DNAH5: variants seen among roughly 807,000 people sequenced by gnomAD.
DNAH5 encodes the protein dynein axonemal heavy chain 5.
In DNAH5, 372 loss-of-function variants were observed where a neutral mutation model predicts 518.2. That is an observed-to-expected ratio of 0.72 (90% CI 0.66 to 0.78). The LOEUF (loss-of-function observed/expected upper bound fraction) is 0.78, where lower values mean the gene tolerates loss of function less well. Ranked by LOEUF, DNAH5 falls within the 30% of genes least tolerant of loss-of-function variation. DNAH5 has a pLI of 0.00. For missense variants in DNAH5, 5,523 were observed against 5,687.0 expected, an observed-to-expected ratio of 0.97 and a Z score of 0.93; for synonymous variants, 2,039 against 2,025.9, an observed-to-expected ratio of 1.01 and a Z score of -0.17.
chr5:13,847,425 TA>T (rs56782034), intron 31 of DNAH5, among the ~76,000 whole-genome samples: 2 of 148,960 alleles, frequency 1.3e-5, no homozygotes, highest in Non-Finnish European at 3.0e-5. Context: ...AAAGAAAGAA[TA>T]AAAAAAAAGA....
At chr5:13,924,707 T>G (rs1777673895) in intron 3 of DNAH5, among the ~76,000 whole-genome samples, 1 of 151,892 alleles carries the variant, frequency 6.6e-6, no homozygotes, top group East Asian at 1.9e-4. Context: ...ATACTAGAAC[T>G]TAGCATCTGA....
chr5:13,852,890 T>G (rs1405150166), intron 30 of DNAH5, among the ~76,000 whole-genome samples: 1 of 152,116 alleles, frequency 6.6e-6, no homozygotes, highest in Non-Finnish European at 1.5e-5. Context: ...TAGATAAAAC[T>G]CTCATCTCCC....
intron 1 of DNAH5, among the ~76,000 whole-genome samples, chr5:14,009,902 A>G (rs2152091279): frequency 6.6e-6 from 1 of 152,340 alleles, no homozygotes; most frequent in African/African-American, 2.4e-5. Flanking sequence ...TGAGGTCACT[A>G]TTCTTCATAA....
At chr5:14,006,845 AC>A (rs1164050620) in intron 1 of DNAH5, among the ~76,000 whole-genome samples, 1 of 152,052 alleles carries the variant, frequency 6.6e-6, no homozygotes, top group African/African-American at 2.4e-5. Flanking sequence ...ATTGATGATC[AC>A]CCAGGCCCTA....
intron 31 of DNAH5, among the ~76,000 whole-genome samples, chr5:13,845,763 T>A (rs77861982): frequency 3.6e-5 from 2 of 55,072 alleles, no homozygotes; most frequent in South Asian, 4.8e-4. Context: ...AGCTTTTTAA[T>A]TTTTATTTTT....
At chr5:13,836,766 C>T (rs1308283480) in intron 35 of DNAH5, among the ~76,000 whole-genome samples, 1 of 152,172 alleles carries the variant, frequency 6.6e-6, no homozygotes, top group Non-Finnish European at 1.5e-5. Flanking sequence ...ATGTTAAGGA[C>T]CTTGAGAAGA....
At chr5:13,698,488 T>A (rs1330934842) in intron 78 of DNAH5, among the ~76,000 whole-genome samples, 4 of 152,236 alleles carry the variant, frequency 2.6e-5, no homozygotes. Flanking sequence ...AAGCAGTCAA[T>A]ACATAATCTT....
At chr5:13,735,703 G>T in intron 67 of DNAH5, 115 bp downstream of exon 67, 2 of 905,656 alleles carry the variant, frequency 2.2e-6, no homozygotes, top group Non-Finnish European at 3.7e-6. Flanking sequence ...ACTGATCTGA[G>T]ATTTAAAAAA....
At chr5:13,959,786 G>T (rs1487919028) in intron 1 of DNAH5, among the ~76,000 whole-genome samples, 1 of 152,070 alleles carries the variant, frequency 6.6e-6, no homozygotes, top group Non-Finnish European at 1.5e-5. Context: ...TGACCAACAT[G>T]GTGAAACCCC....
In DNAH5 at chr5:13,769,633, A is replaced by G. The variant is rs374561149; in HGVS notation, c.9606-18T>C. 95 of 1,598,300 alleles carry G rather than the reference A, an allele frequency of 5.9e-5. 1 individual carries two copies. In the African/African-American group the frequency reaches 1.1e-3, roughly 18 times the overall value. On this transcript the variant is annotated intron_variant, in intron 56 of 78. Transcript: ENST00000265104. Reference sequence around the variant, plus strand: ...TATTCATTCTGGGATTGAAAATCCAAGCAAGCAATGTTAAAATGTGTAGGA... The same window carrying G: ...TATTCATTCTGGGATTGAAAATCCAGGCAAGCAATGTTAAAATGTGTAGGA...
intron 32 of DNAH5, among the ~76,000 whole-genome samples, chr5:13,843,502 G>A (rs897047787): frequency 3.9e-5 from 6 of 152,152 alleles, no homozygotes; most frequent in Non-Finnish European, 8.8e-5. Flanking sequence ...CTGTGAATGT[G>A]ACATTATTTG....
chr5:13,757,312 A>G (rs895529990), intron 61 of DNAH5, among the ~76,000 whole-genome samples: 2 of 152,050 alleles, frequency 1.3e-5, no homozygotes, highest in Non-Finnish European at 2.9e-5. Context: ...ACTAACTTAC[A>G]CTCTGACCAG....
intron 66 of DNAH5, among the ~76,000 whole-genome samples, chr5:13,736,419 A>C (rs1747439011): frequency 6.6e-6 from 1 of 151,860 alleles, no homozygotes; most frequent in Non-Finnish European, 1.5e-5. Flanking sequence ...GTTGATACGG[A>C]GTTTTGCTCT....
intron 66 of DNAH5, among the ~76,000 whole-genome samples, chr5:13,736,210 G>T (rs962821707): frequency 6.6e-6 from 1 of 152,030 alleles, no homozygotes; most frequent in African/African-American, 2.4e-5. Context: ...ACTGCAGGTA[G>T]AAAAGACAAT....
intron 62 of DNAH5, among the ~76,000 whole-genome samples, chr5:13,753,830 T>C (rs892328480): frequency 6.6e-6 from 1 of 152,080 alleles, no homozygotes; most frequent in Non-Finnish European, 1.5e-5. Flanking sequence ...TTTAAGAGAA[T>C]AAAACCTCAT....
intron 61 of DNAH5, among the ~76,000 whole-genome samples, chr5:13,755,689 A>C (rs1168262123): frequency 2.0e-5 from 3 of 152,128 alleles, no homozygotes; most frequent in Admixed American, 2.0e-4. Context: ...CCATCCCCCA[A>C]CTACGGCTAC....
intron 16 of DNAH5, among the ~76,000 whole-genome samples, chr5:13,893,749 C>A (rs1773555996): frequency 6.6e-6 from 1 of 151,906 alleles, no homozygotes; most frequent in Non-Finnish European, 1.5e-5. Context: ...ATAAATCCAA[C>A]AGGAGGTCAC....
intron 47 of DNAH5, among the ~76,000 whole-genome samples, chr5:13,804,871 C>T (rs1341109991): frequency 3.9e-5 from 6 of 152,288 alleles, no homozygotes; most frequent in Middle Eastern, 3.4e-3. Context: ...TAACATATGG[C>T]TTTTTCCAGG....
intron 35 of DNAH5, among the ~76,000 whole-genome samples, chr5:13,836,631 T>A (rs1423469146): frequency 6.6e-6 from 1 of 152,170 alleles, no homozygotes; most frequent in East Asian, 1.9e-4. Flanking sequence ...GAGAGCTGTT[T>A]TATCAGAGTG....
Sources: allele counts gnomAD v4.1 joint callset (sites outside exome capture counted in the v4.1 genomes callset), GRCh38; gene constraint gnomAD v4.1.1; transcripts MANE v1.5; gene names NCBI Gene and HGNC (gene_info 2026-07-23, HGNC 2026-07-21).